Variants in KDM4C observed in about 807,000 individuals in gnomAD.
KDM4C encodes the protein lysine demethylase 4C.
A neutral mutation model predicts 129.3 loss-of-function variants in KDM4C; 81 were observed. The observed-to-expected ratio is 0.63, with a 90% CI of 0.52 to 0.75. KDM4C has a LOEUF of 0.75. KDM4C is among the 30% of genes least tolerant of loss of function. The pLI, the probability that KDM4C is intolerant of heterozygous loss-of-function variation, is 0.00. For synonymous variants in KDM4C, 573 were observed against 456.1 expected, an observed-to-expected ratio of 1.26 and a Z score of -3.26; for missense variants, 1,457 against 1,304.0, an observed-to-expected ratio of 1.12 and a Z score of -1.81.
chr9:6,737,586 C>T (rs759920442), intron 1 of KDM4C, among the ~76,000 whole-genome samples: 1 of 149,218 alleles, frequency 6.7e-6, no homozygotes, highest in Admixed American at 6.8e-5. Flanking sequence ...ATCGCTTGAA[C>T]CCGAGAGGCA....
At chr9:6,862,063 C>T (rs1255870660) in intron 5 of KDM4C, among the ~76,000 whole-genome samples, 6 of 152,086 alleles carry the variant, frequency 3.9e-5, no homozygotes, top group Admixed American at 6.6e-5. Flanking sequence ...TGAGCCAACG[C>T]GCCTGACCTA....
chr9:7,108,011 C>G (rs564460215), intron 18 of KDM4C, among the ~76,000 whole-genome samples: 1 of 152,246 alleles, frequency 6.6e-6, no homozygotes, highest in East Asian at 1.9e-4. Flanking sequence ...TCTTTTATGT[C>G]AAGTGTGTGT....
At chr9:6,857,003 C>T (rs537359932) in intron 5 of KDM4C, among the ~76,000 whole-genome samples, 193 of 152,196 alleles carry the variant, frequency 1.3e-3, no homozygotes, top group African/African-American at 4.2e-3. Flanking sequence ...ATGATCCATC[C>T]GCCTCGGCCT....
Position 6,778,002 on chromosome 9 carries a change from C to T in KDM4C, c.-17-14970C>T, listed in dbSNP as rs866371414. 1.5e-4 allele frequency among the ~76,000 whole-genome samples: 23 copies of T among 151,312 alleles called. No homozygotes were observed. The Middle Eastern group carries it at 0.017, about 112-fold the overall frequency. On this transcript the variant is annotated intron_variant, in intron 1 of 21. Transcript: ENST00000381309. ...GTGGCAAAATCATAGCTCACTGCAG[C>T]CTTGAACTCTTGGACTCAGGGAATC...
chr9:6,814,791 ACAGTTTTGTTACCATTTAAG>A (rs1831776385), intron 4 of KDM4C, 46 bp downstream of exon 4: 2 of 1,251,774 alleles, frequency 1.6e-6, no homozygotes, highest in Middle Eastern at 2.1e-4. Context: ...ATTGGATGTG[ACAGTTTTGTTACCATTTAAG>A]CAGTTTAGAA....
intron 2 of KDM4C, among the ~76,000 whole-genome samples, chr9:6,800,879 C>T (rs1309524922): frequency 1.3e-5 from 2 of 152,194 alleles, no homozygotes; most frequent in African/African-American, 2.4e-5. Context: ...CCTCCAGCCT[C>T]GGCCTCCTGA....
chr9:7,130,124 A>G (rs1048980183), intron 19 of KDM4C, among the ~76,000 whole-genome samples: 9 of 152,208 alleles, frequency 5.9e-5, no homozygotes, highest in African/African-American at 2.2e-4. Flanking sequence ...TTGTTTCAGA[A>G]TTAGCCTTCT....
chr9:6,805,912 C>T, intron 3 of KDM4C, 138 bp downstream of exon 3: 1 of 684,648 alleles, frequency 1.5e-6, no homozygotes, highest in Non-Finnish European at 2.3e-6. Flanking sequence ...TGAACTGTTT[C>T]TGTTTTCTGT....
intron 12 of KDM4C, among the ~76,000 whole-genome samples, chr9:7,003,476 T>C (rs916393997): frequency 3.3e-5 from 5 of 152,032 alleles, no homozygotes; most frequent in Admixed American, 2.6e-4. Flanking sequence ...TTGTGTCCTT[T>C]GGAATGTTTC....
Position 6,728,101 on chromosome 9 carries a change from T to C in KDM4C, c.49+7104T>C, listed in dbSNP as rs534622570. On this transcript the variant is annotated intron_variant, in intron 1 of 17. Transcript: ENST00000536108. ...AAAAAAAAAAAAAAAAAAAGTGTTA[T>C]ACACTTGTAATTTTATGAATGCTAT... 2.1e-5 allele frequency among the ~76,000 whole-genome samples: 3 copies of C among 146,264 alleles called. No homozygotes were observed. In the East Asian group the frequency reaches 6.0e-4, roughly 29 times the overall value.
chr9:6,950,231 T>C (rs979875425), intron 8 of KDM4C, among the ~76,000 whole-genome samples: 5 of 152,216 alleles, frequency 3.3e-5, no homozygotes, highest in African/African-American at 1.2e-4. Flanking sequence ...TAAATTCTCC[T>C]TTCCAGAGGT....
intron 4 of KDM4C, among the ~76,000 whole-genome samples, chr9:6,834,200 A>G (rs1451560077): frequency 6.6e-6 from 1 of 151,918 alleles, no homozygotes; most frequent in Non-Finnish European, 1.5e-5. Context: ...CACCATGCCC[A>G]GTTAATTGTA....
At position 6,888,027 on chromosome 9, in the gene KDM4C, A is replaced by G. The variant is rs2130848153; in HGVS notation, c.747A>G (p.Pro249=). 6.2e-7 allele frequency: 1 copy of G among 1,605,860 alleles called. No homozygotes were observed. Among genetic ancestry groups the G allele is most frequent in the Non-Finnish European group, 8.5e-7 (1 of 1,173,318 alleles). Residue 249 remains proline (P), a synonymous_variant, in exon 7 of 22, where the codon CCA becomes CCG. Coordinates refer to ENST00000381309, the MANE Select transcript of KDM4C (RefSeq NM_015061.6). Reference sequence around the variant, plus strand: ...GCCACAAGATGACATTGATTTCTCCATCAGTATTGAAGAAATATGGTATTC... The same window carrying G: ...GCCACAAGATGACATTGATTTCTCCGTCAGTATTGAAGAAATATGGTATTC... ...FLRHKMTLIS[P]SVLKKYGIPF...
intron 15 of KDM4C, among the ~76,000 whole-genome samples, chr9:7,044,053 T>A (rs1462417355): frequency 3.3e-5 from 5 of 151,902 alleles, no homozygotes; most frequent in African/African-American, 1.2e-4. Context: ...ACTCAGTGAG[T>A]TTACAGTTTA....
rs1206001175 is a variant in KDM4C at position 6,729,280 on chromosome 9, C to A, written c.49+8283C>A. ...ACAGGGCCAGACGTTGTGGCTTATG[C>A]CTGCAATCCCAGTACTTTGGGAGGC... On this transcript the variant is annotated intron_variant, in intron 1 of 17. Transcript: ENST00000536108. Among the ~76,000 whole-genome samples, 24 of 128,408 alleles carry A rather than the reference C, an allele frequency of 1.9e-4. 3 individuals carry two copies. The highest frequency in any genetic ancestry group is 8.2e-4 in the African/African-American group (24 of 29,406). The allele number at this position is 128,408 out of a possible 152,430, so 84.2% of individuals were successfully genotyped here. A position where few individuals can be genotyped will look rare whatever the true frequency, so the allele number is the denominator to read the frequency against.
chr9:6,968,269 A>G (rs1036952369), intron 8 of KDM4C, among the ~76,000 whole-genome samples: 2 of 152,160 alleles, frequency 1.3e-5, no homozygotes, highest in Admixed American at 1.3e-4. Context: ...TGAGATCAGG[A>G]TTTTGAGACC....
At chr9:6,928,599 C>T (rs1589151409) in intron 8 of KDM4C, among the ~76,000 whole-genome samples, 2 of 144,378 alleles carry the variant, frequency 1.4e-5, no homozygotes, top group Non-Finnish European at 1.5e-5. Context: ...CCTATGTCCT[C>T]TTTTTTTTTT....
At chr9:7,069,018 C>T (rs577520004) in intron 17 of KDM4C, among the ~76,000 whole-genome samples, 6 of 152,082 alleles carry the variant, frequency 3.9e-5, no homozygotes, top group Middle Eastern at 6.8e-3. Flanking sequence ...ACTTTCTATC[C>T]GAACCTTTCT....
chr9:7,083,462 T>C (rs1834765553), intron 17 of KDM4C, among the ~76,000 whole-genome samples: 1 of 152,344 alleles, frequency 6.6e-6, no homozygotes, highest in African/African-American at 2.4e-5. Flanking sequence ...AGTGTGCCTA[T>C]GCAAACCTTG....
Sources: gnomAD v4.1 joint callset for allele counts (sites outside exome capture counted in the v4.1 genomes callset) on GRCh38, gnomAD v4.1.1 for gene constraint, MANE v1.5 for transcripts, NCBI Gene and HGNC (gene_info 2026-07-23, HGNC 2026-07-21) for gene names.